NAV2: variants seen among roughly 807,000 people sequenced by gnomAD.
NAV2 encodes helicase, APC down-regulated 1.
A neutral mutation model predicts 223.2 loss-of-function variants in NAV2; 54 were observed. The observed-to-expected ratio is 0.24, with a 90% CI of 0.19 to 0.30. The LOEUF (loss-of-function observed/expected upper bound fraction) is 0.30. Among genes scored for constraint, NAV2 ranks in the 10% least tolerant of loss-of-function variants. NAV2 has a pLI of 1.00. For missense variants in NAV2, 2,806 were observed against 3,147.5 expected, an observed-to-expected ratio of 0.89 and a Z score of 2.60; for synonymous variants, 1,279 against 1,239.3, an observed-to-expected ratio of 1.03 and a Z score of -0.67.
At chr11:19,575,454 AC>A (rs1470726058) in intron 1 of NAV2, 27 of 153,794 alleles carry the variant, frequency 1.8e-4, no homozygotes, top group African/African-American at 5.6e-4. Context: ...ACGGTGCTCC[AC>A]GCCTGGCCCT....
rs200743514 is a variant in NAV2 at position 19,618,409 on chromosome 11, G to A, written c.76-214075G>A. The stretch of plus-strand genomic sequence containing the variant: ...GGATGGATGGATGAATAGATGGATG[G>A]ATGGATGGATGGATGGATGGATGGA... On this transcript the variant is annotated intron_variant, in intron 1 of 37. Transcript: ENST00000360655. Among the ~76,000 whole-genome samples, 55 of 10,264 alleles carry A rather than the reference G, an allele frequency of 5.4e-3. 2 individuals carry two copies. Among genetic ancestry groups the A allele is most frequent in the Non-Finnish European group, 7.1e-3 (28 of 3,928 alleles). The allele number at this position is 10,264 out of a possible 152,430, so 6.7% of individuals were successfully genotyped here. A position where few individuals can be genotyped will look rare whatever the true frequency, so the allele number is the denominator to read the frequency against.
intron 1 of NAV2, among the ~76,000 whole-genome samples, chr11:19,686,232 G>T (rs1289821652): frequency 6.6e-6 from 1 of 152,148 alleles, no homozygotes; most frequent in Non-Finnish European, 1.5e-5. Context: ...ACCACAGATA[G>T]TTGGGTCCCC....
At chr11:19,547,769 G>A (rs1343999061) in intron 1 of NAV2, among the ~76,000 whole-genome samples, 1 of 152,112 alleles carries the variant, frequency 6.6e-6, no homozygotes, top group Non-Finnish European at 1.5e-5. Context: ...CAATGATAGT[G>A]GTAGAATAGT....
chr11:19,892,472 G>A lies in NAV2; in HGVS notation c.809G>A (p.Ser270Asn). 6.2e-7 allele frequency: 1 copy of A among 1,614,140 alleles called. No homozygotes were observed. The highest frequency in any genetic ancestry group is 8.5e-7 in the Non-Finnish European group (1 of 1,179,996). ...ACCGCGAGGGTATCCGCTGCAGGCA[G>A]CGAGGCCAAAACACGCGGAGGGTCA... ...GPTARVSAAG[S>N]EAKTRGGSTT... Residue 270 changes from serine (S) to asparagine (N), a missense_variant, in exon 6 of 38, where the codon AGC becomes AAC. By Grantham distance (46) the Ser-to-Asn change is conservative. This residue lies in a region of NAV2 where 1,167 missense variants were observed against 1,180.5 expected (regional missense o/e 0.99). Coordinates refer to ENST00000349880, the MANE Select transcript of NAV2 (RefSeq NM_145117.5).
intron 1 of NAV2, among the ~76,000 whole-genome samples, chr11:19,394,753 G>A (rs1849383309): frequency 6.6e-6 from 1 of 152,182 alleles, no homozygotes; most frequent in African/African-American, 2.4e-5. Context: ...AACAGTGTGG[G>A]TAAAACCCCA....
intron 1 of NAV2, among the ~76,000 whole-genome samples, chr11:19,761,183 G>T (rs1403829259): frequency 1.3e-5 from 2 of 152,048 alleles, no homozygotes; most frequent in Non-Finnish European, 2.9e-5. Flanking sequence ...GCAGTCTGGA[G>T]GCCTTTTTTC....
intron 1 of NAV2, among the ~76,000 whole-genome samples, chr11:19,391,479 T>C: frequency 6.6e-6 from 1 of 152,354 alleles, no homozygotes; most frequent in Non-Finnish European, 1.5e-5. Context: ...GGAGATCAAG[T>C]ATTTTAAACC....
chr11:19,648,759 T>C (rs990258605), intron 1 of NAV2, among the ~76,000 whole-genome samples: 1 of 152,336 alleles, frequency 6.6e-6, no homozygotes, highest in East Asian at 1.9e-4. Flanking sequence ...CTTTGAAAAT[T>C]ATACCCTGGC....
intron 1 of NAV2, among the ~76,000 whole-genome samples, chr11:19,777,004 C>CG (rs1763305354): frequency 6.6e-6 from 1 of 151,880 alleles, no homozygotes; most frequent in Non-Finnish European, 1.5e-5. Flanking sequence ...CGCCCACCGG[C>CG]GGCAGTGGCG....
intron 1 of NAV2, among the ~76,000 whole-genome samples, chr11:19,583,502 T>C (rs1485011913): frequency 1.3e-5 from 2 of 152,234 alleles, no homozygotes; most frequent in East Asian, 3.8e-4. Context: ...CAGTGTGATA[T>C]TGGCTGTGGG....
chr11:19,345,431 G>T, the NAV2 span, among the ~76,000 whole-genome samples: 1 of 152,234 alleles, frequency 6.6e-6, no homozygotes, highest in Non-Finnish European at 1.5e-5. This position sits in a 1 kb window ranked among gnomAD's most constrained non-coding sequence, Gnocchi z 5.2. Flanking sequence ...ACTTGGGGAT[G>T]CTCTGTGCTG....
intron 2 of NAV2, among the ~76,000 whole-genome samples, chr11:19,833,906 A>G (rs2060087665): frequency 6.6e-6 from 1 of 152,190 alleles, no homozygotes; most frequent in Non-Finnish European, 1.5e-5. Context: ...TCCTTGCCAC[A>G]TGGGCCTCCC....
intron 1 of NAV2, among the ~76,000 whole-genome samples, chr11:19,510,701 G>A (rs1226362767): frequency 2.6e-5 from 4 of 152,234 alleles, no homozygotes; most frequent in African/African-American, 9.6e-5. Flanking sequence ...AGCACTTTTC[G>A]GGCAACAGGT....
chr11:19,585,699 T>A (rs565478928), intron 1 of NAV2, among the ~76,000 whole-genome samples: 81 of 152,346 alleles, frequency 5.3e-4, no homozygotes, highest in African/African-American at 1.9e-3. Flanking sequence ...GAATGTTGAA[T>A]AATTGGCCCC....
intron 1 of NAV2, among the ~76,000 whole-genome samples, chr11:19,620,711 G>A (rs2046966179): frequency 6.6e-6 from 1 of 152,178 alleles, no homozygotes; most frequent in South Asian, 2.1e-4. Flanking sequence ...TCCAAACAGG[G>A]ACAATTTGAC....
At chr11:19,860,707 C>T (rs1266214998) in intron 3 of NAV2, among the ~76,000 whole-genome samples, 1 of 151,976 alleles carries the variant, frequency 6.6e-6, no homozygotes, top group Non-Finnish European at 1.5e-5. Context: ...TGTAGCGAGC[C>T]GAGATCATGC....
At chr11:19,982,706 C>T (rs1046909998) in intron 10 of NAV2, among the ~76,000 whole-genome samples, 5 of 152,148 alleles carry the variant, frequency 3.3e-5, no homozygotes, top group African/African-American at 9.7e-5. Context: ...GTTCCTCTTA[C>T]CCATTCTGGA....
chr11:19,861,019 T>G (rs1590936111), intron 3 of NAV2, among the ~76,000 whole-genome samples: 2 of 83,548 alleles, frequency 2.4e-5, no homozygotes, highest in South Asian at 4.0e-4. Flanking sequence ...AGGGAGACGG[T>G]GGAAAGAGGG....
intron 3 of NAV2, among the ~76,000 whole-genome samples, chr11:19,867,927 G>A (rs1181958453): frequency 6.6e-6 from 1 of 152,184 alleles, no homozygotes; most frequent in African/African-American, 2.4e-5. Flanking sequence ...ATTTTCTGTG[G>A]CTGTGAAGGA....
Sources: allele counts gnomAD v4.1 joint callset (sites outside exome capture counted in the v4.1 genomes callset), GRCh38; gene constraint gnomAD v4.1.1; regional missense constraint gnomAD v4.1.1; non-coding constraint Gnocchi (gnomAD v3.1); transcripts MANE v1.5; gene names NCBI Gene and HGNC (gene_info 2026-07-23, HGNC 2026-07-21).